Variants in PDE3A observed in about 807,000 individuals in gnomAD.
The protein encoded by PDE3A is phosphodiesterase 3A, also known as cGMP-inhibited 3',5'-cyclic phosphodiesterase 3A.
In PDE3A, 43 loss-of-function variants were observed where a neutral mutation model predicts 98.3. The ratio of observed to expected loss-of-function variants is 0.44; its 90% CI spans 0.34 to 0.56. The LOEUF (loss-of-function observed/expected upper bound fraction) is 0.56. Ranked by LOEUF, PDE3A falls within the 20% of genes least tolerant of loss-of-function variation. PDE3A has a pLI of 0.01. For missense variants in PDE3A, 1,427 were observed against 1,440.7 expected (o/e 0.99, Z 0.15); for synonymous variants, 663 against 567.9 (o/e 1.17, Z -2.38).
At chr12:20,649,497 C>T (rs7310754) in intron 13 of PDE3A, among the ~76,000 whole-genome samples, 145,799 of 152,250 alleles carry the variant, frequency 0.96, 70,143 homozygotes, top group East Asian at 1. Context: ...TTCATCTCTA[C>T]GGTATATTTG....
At position 20,369,646 on chromosome 12, in the gene PDE3A, G is replaced by C. The variant is rs1943423037; in HGVS notation, c.362G>C (p.Gly121Ala). 7 of 1,598,900 alleles carry C rather than the reference G, an allele frequency of 4.4e-6. No individual in the cohort carries two copies. Among genetic ancestry groups the C allele is most frequent in the Non-Finnish European group, 6.0e-6 (7 of 1,173,618 alleles). The change falls in exon 1 of 16, where the codon GGG becomes GCG. Residue 121 changes from glycine (G) to alanine (A), a missense_variant. Transcript: ENST00000359062. ...CCGGGGCCTCGGGGAGGTGCTCCCG[G>C]GGGCGGTGCGCGGCTCAGCCCCTGG... ...VFPGPRGGAPGGGARLSPWLQ... is the reference protein window; with the variant it reads ...VFPGPRGGAPAGGARLSPWLQ...
intron 1 of PDE3A, among the ~76,000 whole-genome samples, chr12:20,489,696 A>G (rs57609359): frequency 0.13 from 19,545 of 152,248 alleles, 1,865 homozygotes; most frequent in African/African-American, 0.27. Flanking sequence ...ACCTACAGAC[A>G]AAATGGCTTT....
intron 1 of PDE3A, among the ~76,000 whole-genome samples, chr12:20,496,518 A>G (rs201155125): frequency 7.5e-5 from 11 of 145,876 alleles, no homozygotes; most frequent in East Asian, 2.1e-4. Context: ...TCCACATCCC[A>G]CCCCCCACCG....
intron 1 of PDE3A, chr12:20,450,026 G>C: frequency 3.0e-6 from 2 of 667,994 alleles, no homozygotes; most frequent in Non-Finnish European, 5.5e-6. Flanking sequence ...TGGAAGTTAC[G>C]GAAGTTTTTC....
Position 20,685,881 on chromosome 12 carries a change from T to C in PDE3A, c.*5610T>C, listed in dbSNP as rs1945947567. 6.6e-6 allele frequency among the ~76,000 whole-genome samples: 1 copy of C among 152,206 alleles called. No homozygotes were observed. The highest frequency in any genetic ancestry group is 1.9e-4 in the East Asian group (1 of 5,206). The stretch of plus-strand genomic sequence containing the variant: ...ATGCAAATAATTCAATAACCAAAAA[T>C]GCTTCAAAGAGTAATAATAAATCAC... On this transcript the variant is annotated 3_prime_UTR_variant, in exon 16 of 16. Coordinates refer to ENST00000359062, the MANE Select transcript of PDE3A (RefSeq NM_000921.5).
intron 1 of PDE3A, among the ~76,000 whole-genome samples, chr12:20,549,806 T>C (rs1178671478): frequency 6.6e-6 from 1 of 152,170 alleles, no homozygotes; most frequent in Non-Finnish European, 1.5e-5. Flanking sequence ...TGTTATATAA[T>C]GCTAGGAAAT....
At chr12:20,584,121 C>T (rs1943136477) in intron 2 of PDE3A, among the ~76,000 whole-genome samples, 1 of 152,190 alleles carries the variant, frequency 6.6e-6, no homozygotes, top group African/African-American at 2.4e-5. Flanking sequence ...CAGGGTGGGA[C>T]ACCTAGGAAG....
intron 1 of PDE3A, among the ~76,000 whole-genome samples, chr12:20,535,534 T>C (rs1454073614): frequency 2.0e-5 from 3 of 152,200 alleles, no homozygotes; most frequent in African/African-American, 7.2e-5. Flanking sequence ...GAAATAATAC[T>C]GCTCCAGAAG....
At chr12:20,408,534 G>A (rs377016194) in intron 1 of PDE3A, among the ~76,000 whole-genome samples, 15 of 152,166 alleles carry the variant, frequency 9.9e-5, no homozygotes, top group South Asian at 4.2e-4. Flanking sequence ...TGCAGATGGC[G>A]TTCATTAAAG....
Position 20,552,970 on chromosome 12 carries a change from G to A in PDE3A, c.961-3690G>A, listed in dbSNP as rs1261877777. The A allele has an allele frequency of 4.4e-6, 7 of 1,575,222 alleles. No homozygotes were observed. The highest frequency in any genetic ancestry group is 2.4e-5 in the East Asian group (1 of 42,408). ...GCAGGTGAACCAGCCTCTGCAGACCGTCCTCAACCAGCTCTTCCCCGGCTA... is the reference window on the plus strand; with the variant it reads ...GCAGGTGAACCAGCCTCTGCAGACCATCCTCAACCAGCTCTTCCCCGGCTA... On this transcript the variant is annotated intron_variant, in intron 1 of 15. Coordinates refer to ENST00000359062, the MANE Select transcript of PDE3A (RefSeq NM_000921.5). The surrounding 1 kb of genome is among the most constrained non-coding windows in gnomAD (Gnocchi z 5.1).
chr12:20,487,501 TAAAAA>T (rs34671800), intron 1 of PDE3A, among the ~76,000 whole-genome samples: 1 of 61,976 alleles, frequency 1.6e-5, no homozygotes, highest in Non-Finnish European at 2.8e-5. Flanking sequence ...CTGTCTCTAC[TAAAAA>T]AAAAAAAAAA....
chr12:20,439,756 A>T (rs1412755742), intron 1 of PDE3A, among the ~76,000 whole-genome samples: 1 of 152,144 alleles, frequency 6.6e-6, no homozygotes, highest in Non-Finnish European at 1.5e-5. Context: ...TATAACTTTA[A>T]AAAGAAAATG....
intron 1 of PDE3A, among the ~76,000 whole-genome samples, chr12:20,516,044 T>A (rs1946317525): frequency 6.6e-6 from 1 of 151,998 alleles, no homozygotes; most frequent in African/African-American, 2.4e-5. Context: ...TTTTTTTTTT[T>A]TTCAGAACAT....
At chr12:20,541,185 C>G (rs896017284) in intron 1 of PDE3A, among the ~76,000 whole-genome samples, 3 of 138,196 alleles carry the variant, frequency 2.2e-5, no homozygotes, top group Non-Finnish European at 4.6e-5. Flanking sequence ...TAGCCTCGAA[C>G]TCCTGGGCTC....
intron 1 of PDE3A, among the ~76,000 whole-genome samples, chr12:20,396,955 T>A (rs1456361561): frequency 6.6e-6 from 1 of 152,098 alleles, no homozygotes; most frequent in African/African-American, 2.4e-5. Flanking sequence ...ATGTATTAAC[T>A]CTGTGGCTTT....
intron 1 of PDE3A, among the ~76,000 whole-genome samples, chr12:20,447,188 G>T (rs938903673): frequency 2.0e-5 from 3 of 152,186 alleles, no homozygotes; most frequent in African/African-American, 7.2e-5. Flanking sequence ...AGATAACAGT[G>T]GCTTGGAGGT....
chr12:20,569,973 A>C (rs1297008569), intron 2 of PDE3A, among the ~76,000 whole-genome samples: 9 of 152,202 alleles, frequency 5.9e-5, no homozygotes, highest in African/African-American at 2.2e-4. Flanking sequence ...AGTTCTGAGT[A>C]CATAATTTCA....
intron 2 of PDE3A, among the ~76,000 whole-genome samples, chr12:20,584,504 G>A (rs1026928456): frequency 6.6e-6 from 1 of 152,110 alleles, no homozygotes; most frequent in African/African-American, 2.4e-5. Flanking sequence ...GGATTTATAC[G>A]CATTGATTTT....
At chr12:20,519,654 A>C (rs1946387016) in intron 1 of PDE3A, among the ~76,000 whole-genome samples, 1 of 152,192 alleles carries the variant, frequency 6.6e-6, no homozygotes, top group Non-Finnish European at 1.5e-5. Flanking sequence ...GGAATGTAAA[A>C]ATATGTGCTG....
Sources: allele counts gnomAD v4.1 joint callset (sites outside exome capture counted in the v4.1 genomes callset), GRCh38; gene constraint gnomAD v4.1.1; non-coding constraint Gnocchi (gnomAD v3.1); transcripts MANE v1.5; gene names NCBI Gene and HGNC (gene_info 2026-07-23, HGNC 2026-07-21).